Variants in HS3ST1 observed in about 807,000 individuals in gnomAD.
HS3ST1 encodes the protein heparan sulfate-glucosamine 3-sulfotransferase 1, also known as heparan sulfate glucosamine 3-O-sulfotransferase 1.
Under a neutral mutation model 20.7 loss-of-function variants are expected in HS3ST1, and 8 were observed. The observed-to-expected ratio is 0.39, with a 90% CI of 0.23 to 0.70. HS3ST1 has a LOEUF of 0.70. Ranked by LOEUF, HS3ST1 falls within the 30% of genes least tolerant of loss-of-function variation. The probability of loss-of-function intolerance (pLI) is 0.46; values close to 1 mark genes in which losing one functional copy is unlikely to be tolerated. For missense variants in HS3ST1, 436 were observed against 423.4 expected, an observed-to-expected ratio of 1.03 and a Z score of -0.26; for synonymous variants, 205 against 190.4, an observed-to-expected ratio of 1.08 and a Z score of -0.63.
intron 1 of HS3ST1, among the ~76,000 whole-genome samples, chr4:11,420,157 G>T (rs1577447228): frequency 6.6e-6 from 1 of 152,174 alleles, no homozygotes; most frequent in Non-Finnish European, 1.5e-5. Flanking sequence ...GATATTACAC[G>T]CAACAGGAAC....
chr4:11,410,881 G>C (rs1393211004), intron 1 of HS3ST1, among the ~76,000 whole-genome samples: 2 of 145,998 alleles, frequency 1.4e-5, no homozygotes, highest in Non-Finnish European at 3.0e-5. Context: ...AACAGAGCGA[G>C]ACTCCATCTC....
At chr4:11,419,321 A>C (rs960432488) in intron 1 of HS3ST1, among the ~76,000 whole-genome samples, 3 of 152,070 alleles carry the variant, frequency 2.0e-5, no homozygotes, top group African/African-American at 7.3e-5. Context: ...ATAAATTAAG[A>C]CTAAAGAAAC....
Position 11,411,636 on chromosome 4 carries a change from T to C in HS3ST1, c.-108-11523A>G, listed in dbSNP as rs368074738. Among the ~76,000 whole-genome samples, 121 of 152,334 alleles carry C rather than the reference T, an allele frequency of 7.9e-4. 1 individual carries two copies. In the South Asian group the frequency reaches 0.023, roughly 29 times the overall value. On this transcript the variant is annotated intron_variant, in intron 1 of 1. Coordinates refer to ENST00000002596, the MANE Select transcript of HS3ST1 (RefSeq NM_005114.4). ...CTCTGTAATCTCTTGTTATCTCTTA[T>C]TATAATTACACTATCTTCAGATTAA...
chr4:11,433,217 C>T (rs559292197), upstream of HS3ST1, among the ~76,000 whole-genome samples: 1 of 152,060 alleles, frequency 6.6e-6, no homozygotes, highest in East Asian at 1.9e-4. Context: ...TTTGGGAAGC[C>T]CTCAAGGTAC....
At chr4:11,433,258 C>T (rs1330892060), upstream of HS3ST1, among the ~76,000 whole-genome samples, 3 of 152,110 alleles carry the variant, frequency 2.0e-5, no homozygotes, top group Admixed American at 2.0e-4. Flanking sequence ...CCTAAGACTT[C>T]TAATGGAGAA....
intron 1 of HS3ST1, among the ~76,000 whole-genome samples, chr4:11,418,561 C>T (rs1324935763): frequency 6.6e-6 from 1 of 152,194 alleles, no homozygotes; most frequent in African/African-American, 2.4e-5. Context: ...GAATTTCAAA[C>T]TGCGTGGCGA....
chr4:11,411,102 G>T (rs2108885017), intron 1 of HS3ST1, among the ~76,000 whole-genome samples: 1 of 152,176 alleles, frequency 6.6e-6, no homozygotes, highest in African/African-American at 2.4e-5. Flanking sequence ...AGGTATGTGT[G>T]CTCTTGGTTT....
intron 1 of HS3ST1, among the ~76,000 whole-genome samples, chr4:11,418,672 G>A (rs866054158): frequency 6.6e-6 from 1 of 152,108 alleles, no homozygotes; most frequent in Non-Finnish European, 1.5e-5. Flanking sequence ...CAGGCAGGTG[G>A]GGCTTAGGGA....
At chr4:11,433,031 C>T (rs796998559), upstream of HS3ST1, among the ~76,000 whole-genome samples, 5 of 152,284 alleles carry the variant, frequency 3.3e-5, no homozygotes, top group African/African-American at 9.6e-5. Context: ...TTATGAGGTC[C>T]AGTTATGACT....
At chr4:11,418,529 C>A (rs552012307) in intron 1 of HS3ST1, among the ~76,000 whole-genome samples, 2 of 152,270 alleles carry the variant, frequency 1.3e-5, no homozygotes, top group Non-Finnish European at 2.9e-5. Context: ...AGGGAATAGT[C>A]TCTCATACCC....
chr4:11,419,678 G>T (rs1050315481), intron 1 of HS3ST1, among the ~76,000 whole-genome samples: 2 of 151,992 alleles, frequency 1.3e-5, no homozygotes, highest in Non-Finnish European at 2.9e-5. Context: ...GAAAAAGTAG[G>T]GGCCTTCTAG....
chr4:11,434,041 C>T (rs974765005), upstream of HS3ST1, among the ~76,000 whole-genome samples: 1 of 152,158 alleles, frequency 6.6e-6, no homozygotes, highest in African/African-American at 2.4e-5. Context: ...TCCCTATTGT[C>T]CCTGAAAACT....
At position 11,399,807 on chromosome 4, in the gene HS3ST1, T is replaced by G; in HGVS notation, c.199A>C (p.Thr67Pro). The change falls in exon 2 of 2, where the codon ACG becomes CCG. Residue 67 changes from threonine (T) to proline (P), a missense_variant. Coordinates refer to ENST00000002596, the MANE Select transcript of HS3ST1 (RefSeq NM_005114.4). This position sits in a 1 kb window ranked among gnomAD's most constrained non-coding sequence, Gnocchi z 5.1. ...TIIIGVRKGG[T>P]RALLEMLSLH... Reference sequence around the variant, plus strand: ...CTGAGCATCTCCAGCAGTGCGCGCGTGCCGCCCTTGCGCACGCCGATGATG... The same window carrying G: ...CTGAGCATCTCCAGCAGTGCGCGCGGGCCGCCCTTGCGCACGCCGATGATG... 2 of 1,613,108 alleles carry G rather than the reference T, an allele frequency of 1.2e-6. No individual in the cohort carries two copies. Among genetic ancestry groups the G allele is most frequent in the Non-Finnish European group, 1.7e-6 (2 of 1,179,810 alleles).
rs193049953 is a variant in HS3ST1 at position 11,397,893 on chromosome 4, A to C, written c.*1189T>G. On this transcript the variant is annotated 3_prime_UTR_variant, in exon 2 of 2. Transcript: ENST00000002596. ...TTTAATTCTGTAAAAGGCTGACTGC[A>C]TGAAGAATGCATGAAAAAACTGAGG... The C allele has an allele frequency of 2.0e-3, 307 of 152,318 alleles. 1 individual carries two copies. The highest frequency in any genetic ancestry group is 6.4e-3 in the African/African-American group (264 of 41,556). The allele number at this position is 152,318 out of a possible 1,614,324, so 9.4% of individuals were successfully genotyped here.
intron 1 of HS3ST1, among the ~76,000 whole-genome samples, chr4:11,411,501 T>C (rs1353413827): frequency 2.0e-5 from 3 of 152,214 alleles, no homozygotes; most frequent in African/African-American, 7.2e-5. Context: ...ACTCAAGCTT[T>C]ACTTTAAACA....
intron 1 of HS3ST1, among the ~76,000 whole-genome samples, chr4:11,412,958 A>G (rs1718677278): frequency 6.6e-6 from 1 of 152,130 alleles, no homozygotes; most frequent in African/African-American, 2.4e-5. Context: ...CGCCCTTCTA[A>G]GAAGAGGCCA....
intron 1 of HS3ST1, among the ~76,000 whole-genome samples, chr4:11,425,291 C>A (rs549325071): frequency 7.3e-4 from 111 of 152,218 alleles, no homozygotes; most frequent in Non-Finnish European, 1.2e-3. Flanking sequence ...AAGGGGGACC[C>A]GGGTCATCTC....
chr4:11,421,711 G>C (rs1718939843), intron 1 of HS3ST1, among the ~76,000 whole-genome samples: 1 of 152,200 alleles, frequency 6.6e-6, no homozygotes, highest in African/African-American at 2.4e-5. Context: ...AGGGATGAAA[G>C]GAGATGTGAA....
intron 1 of HS3ST1, among the ~76,000 whole-genome samples, chr4:11,420,412 A>G (rs147359593): frequency 6.6e-6 from 1 of 152,290 alleles, no homozygotes; most frequent in African/African-American, 2.4e-5. Flanking sequence ...AAAGCTCTCT[A>G]ACAGTTTTAT....
Sources: allele counts gnomAD v4.1 joint callset (sites outside exome capture counted in the v4.1 genomes callset), GRCh38; gene constraint gnomAD v4.1.1; non-coding constraint Gnocchi (gnomAD v3.1); transcripts MANE v1.5; gene names NCBI Gene and HGNC (gene_info 2026-07-23, HGNC 2026-07-21).